The following NUP37 variants were observed in gnomAD, a reference collection of about 807,000 sequenced individuals.
The protein encoded by NUP37 is nucleoporin Nup37.
NUP37 carries 33 observed loss-of-function variants against 45.4 expected under a neutral mutation model. That is an observed-to-expected ratio of 0.73 (90% CI 0.55 to 0.97). The LOEUF is 0.97. NUP37 is among the 50% of genes least tolerant of loss of function. The pLI, the probability that NUP37 is intolerant of heterozygous loss-of-function variation, is 0.00. For missense variants in NUP37, 365 were observed against 389.7 expected (o/e 0.94, Z 0.53); for synonymous variants, 127 against 130.7 (o/e 0.97, Z 0.19).
chr12:102,105,084 T>C (rs1303673162), intron 3 of NUP37, among the ~76,000 whole-genome samples: 1 of 152,220 alleles, frequency 6.6e-6, no homozygotes, highest in Admixed American at 6.5e-5. Context: ...TGTCTTTCTA[T>C]TTATTTGTGT....
At chr12:102,108,405 G>GC (rs752358415) in intron 3 of NUP37, among the ~76,000 whole-genome samples, 3 of 152,160 alleles carry the variant, frequency 2.0e-5, no homozygotes, top group Non-Finnish European at 4.4e-5. Context: ...TGGGCCTTAG[G>GC]CCACAGATTG....
chr12:102,093,732 C>T lies in NUP37; in HGVS notation c.449+5374G>A, dbSNP rs772286325. The stretch of plus-strand genomic sequence containing the variant: ...CTAAAGCTATCAATAAGGGAAAGTA[C>T]TCCTTTATCATTCACATCAATGGTC... On this transcript the variant is annotated intron_variant, in intron 5 of 9. Transcript: ENST00000552283. 9.2e-4 allele frequency among the ~76,000 whole-genome samples: 140 copies of T among 152,004 alleles called. 2 individuals are homozygous for T. Among genetic ancestry groups the T allele is most frequent in the Non-Finnish European group, 2.8e-4 (19 of 67,922 alleles).
intron 3 of NUP37, among the ~76,000 whole-genome samples, chr12:102,106,603 C>T (rs1404275436): frequency 6.6e-6 from 1 of 152,150 alleles, no homozygotes; most frequent in Non-Finnish European, 1.5e-5. Context: ...TGCAAATGTA[C>T]ACTCTTATCA....
At chr12:102,116,550 A>C (rs1246214811) in intron 2 of NUP37, among the ~76,000 whole-genome samples, 1 of 152,238 alleles carries the variant, frequency 6.6e-6, no homozygotes, top group Non-Finnish European at 1.5e-5. Flanking sequence ...AGACAGTACG[A>C]AATAGGCTAG....
At chr12:102,106,300 A>G (rs554117347) in intron 3 of NUP37, among the ~76,000 whole-genome samples, 8 of 152,356 alleles carry the variant, frequency 5.3e-5, no homozygotes, top group Admixed American at 1.3e-4. Flanking sequence ...TGGGAAATAA[A>G]GACGCCATCA....
At chr12:102,113,387 C>CA (rs1334629223) in intron 2 of NUP37, among the ~76,000 whole-genome samples, 1 of 152,106 alleles carries the variant, frequency 6.6e-6, no homozygotes, top group Non-Finnish European at 1.5e-5. Context: ...TAGGGGGCTT[C>CA]AAAAGAATTG....
intron 6 of NUP37, among the ~76,000 whole-genome samples, chr12:102,085,317 G>A (rs1020746953): frequency 9.9e-5 from 15 of 152,264 alleles, no homozygotes; most frequent in Middle Eastern, 3.4e-3. Flanking sequence ...AGCTACTCAG[G>A]AGGCTGAGGT....
chr12:102,103,816 C>T (rs1880044209), intron 3 of NUP37, among the ~76,000 whole-genome samples: 1 of 152,088 alleles, frequency 6.6e-6, no homozygotes, highest in Non-Finnish European at 1.5e-5. Flanking sequence ...CTAAATACAA[C>T]ATTTCTTGAT....
intron 2 of NUP37, among the ~76,000 whole-genome samples, chr12:102,113,418 C>T (rs1191811251): frequency 6.6e-6 from 1 of 152,116 alleles, no homozygotes; most frequent in African/African-American, 2.4e-5. Flanking sequence ...TTTTCTTAAA[C>T]TAAGCAGCAG....
chr12:102,075,824 T>C (rs185792471), intron 8 of NUP37, among the ~76,000 whole-genome samples: 3 of 152,274 alleles, frequency 2.0e-5, no homozygotes, highest in Middle Eastern at 6.8e-3. Context: ...ATAATTAGTT[T>C]AAGGCAGTCA....
intron 6 of NUP37, among the ~76,000 whole-genome samples, chr12:102,080,073 C>A (rs1313670702): frequency 6.6e-6 from 1 of 151,984 alleles, no homozygotes; most frequent in East Asian, 1.9e-4. Context: ...GTATTAATTC[C>A]AACAGAAGTC....
At chr12:102,074,969 A>T in intron 9 of NUP37, 32 bp downstream of exon 9, 2 of 1,304,310 alleles carry the variant, frequency 1.5e-6, no homozygotes, top group Non-Finnish European at 2.1e-6. Flanking sequence ...AAAAAAAAAA[A>T]GCACGTATGT....
chr12:102,077,212 C>T lies in NUP37; in HGVS notation c.722+110G>A, dbSNP rs1013023915. 8.8e-5 allele frequency: 100 copies of T among 1,136,016 alleles called. No homozygotes were observed. In the Middle Eastern group the frequency reaches 9.7e-4, roughly 11 times the overall value. The allele number at this position is 1,136,016 out of a possible 1,614,324, so 70.4% of individuals were successfully genotyped here. ...TCTGGCCTTCTATAGGAAAGACTTG[C>T]TTTCGCTTGACAGCATAGTCTCAGG... On this transcript the variant is annotated intron_variant, in intron 7 of 9. Transcript: ENST00000552283.
At chr12:102,106,601 T>C (rs893450392) in intron 3 of NUP37, among the ~76,000 whole-genome samples, 7 of 152,214 alleles carry the variant, frequency 4.6e-5, no homozygotes, top group African/African-American at 1.7e-4. Flanking sequence ...AATGCAAATG[T>C]ACACTCTTAT....
chr12:102,085,390 C>G (rs1220504205), intron 6 of NUP37, among the ~76,000 whole-genome samples: 1 of 152,052 alleles, frequency 6.6e-6, no homozygotes, highest in Non-Finnish European at 1.5e-5. Flanking sequence ...CCACTGCACT[C>G]CAACCTGGGT....
At chr12:102,089,639 C>T (rs1314178014) in intron 5 of NUP37, among the ~76,000 whole-genome samples, 3 of 132,928 alleles carry the variant, frequency 2.3e-5, no homozygotes, top group Non-Finnish European at 3.2e-5. Flanking sequence ...ACATCCCAGA[C>T]GATGAGCGGC....
intron 4 of NUP37, 85 bp downstream of exon 4, chr12:102,100,947 T>C (rs376061843): frequency 2.6e-6 from 2 of 771,870 alleles, no homozygotes; most frequent in East Asian, 3.0e-5. Context: ...AAAGCCATTT[T>C]AAATTGGAAT....
At chr12:102,117,539 A>G (rs1400574727) in intron 2 of NUP37, among the ~76,000 whole-genome samples, 1 of 152,302 alleles carries the variant, frequency 6.6e-6, no homozygotes, top group East Asian at 1.9e-4. Context: ...TCTCTCTTAC[A>G]TGTAAAACTA....
intron 2 of NUP37, among the ~76,000 whole-genome samples, chr12:102,115,373 T>C (rs1288209288): frequency 6.6e-6 from 1 of 152,222 alleles, no homozygotes. Context: ...GTAAAATACA[T>C]ACCAGATTTC....
Sources: gnomAD v4.1 joint callset for allele counts (sites outside exome capture counted in the v4.1 genomes callset) on GRCh38, gnomAD v4.1.1 for gene constraint, MANE v1.5 for transcripts, NCBI Gene and HGNC (gene_info 2026-07-23, HGNC 2026-07-21) for gene names.